Variants in PLAC1 observed in about 807,000 individuals in gnomAD.
PLAC1 encodes placenta-specific protein 1.
For synonymous variants in PLAC1, 68 were observed against 62.1 expected, an observed-to-expected ratio of 1.09 and a Z score of -0.44; for missense variants, 136 against 163.2, an observed-to-expected ratio of 0.83 and a Z score of 0.91.
At chrX:134,692,443 A>G (rs1395015806) in intron 2 of PLAC1, among the ~76,000 whole-genome samples, 1 of 111,889 alleles carries the variant, frequency 8.9e-6, no homozygotes, top group Admixed American at 9.5e-5. Flanking sequence ...TGGTAAGGAC[A>G]CTAGTTAGCC....
At chrX:134,703,495 A>T (rs756006777) in intron 2 of PLAC1, among the ~76,000 whole-genome samples, 13 of 111,549 alleles carry the variant, frequency 1.2e-4, no homozygotes, top group Non-Finnish European at 2.1e-4. Flanking sequence ...TTAAACAAAG[A>T]CTATGAGAGT....
At chrX:134,604,237 A>G (rs1345066049) in intron 1 of PLAC1, among the ~76,000 whole-genome samples, 1 of 112,907 alleles carries the variant, frequency 8.9e-6, no homozygotes, top group Non-Finnish European at 1.9e-5. Flanking sequence ...GGTCCCTGAC[A>G]TAAGCATGTA....
intron 1 of PLAC1, among the ~76,000 whole-genome samples, chrX:134,738,352 C>A (rs1038460742): frequency 5.4e-5 from 6 of 111,763 alleles, no homozygotes; most frequent in Admixed American, 9.5e-5. Flanking sequence ...GCAGTTCTCT[C>A]GAAAACAAGA....
intron 2 of PLAC1, among the ~76,000 whole-genome samples, chrX:134,590,073 T>A (rs1156391863): frequency 9.1e-6 from 1 of 109,840 alleles, no homozygotes; most frequent in Non-Finnish European, 1.9e-5. Context: ...TACGTGCCTG[T>A]AGTCCCAGCT....
At chrX:134,642,027 C>T in intron 1 of PLAC1, among the ~76,000 whole-genome samples, 1 of 111,899 alleles carries the variant, frequency 8.9e-6, no homozygotes, top group Non-Finnish European at 1.9e-5. Flanking sequence ...AAGGAAAAGG[C>T]TTTCATGCAG....
At chrX:134,601,060 TCACACACACACA>T (rs373837274) in intron 2 of PLAC1, 1 of 96,294 alleles carries the variant, frequency 1.0e-5, no homozygotes, top group Non-Finnish European at 2.1e-5. Context: ...TTTTTTTTCT[TCACACACACACA>T]CACACACACA....
chrX:134,716,205 G>T (rs2078642892), intron 2 of PLAC1, among the ~76,000 whole-genome samples: 1 of 112,556 alleles, frequency 8.9e-6, no homozygotes, highest in Admixed American at 9.4e-5. Context: ...TTTACAAGGG[G>T]GAAATGTATC....
At chrX:134,691,588 C>A (rs1031905527) in intron 2 of PLAC1, among the ~76,000 whole-genome samples, 1 of 112,119 alleles carries the variant, frequency 8.9e-6, no homozygotes, top group African/African-American at 3.2e-5. Context: ...TGTCTCATCA[C>A]ACAACATGCC....
At chrX:134,750,923 ATTTT>A (rs1174467435) in intron 1 of PLAC1, among the ~76,000 whole-genome samples, 4 of 20,233 alleles carry the variant, frequency 2.0e-4, no homozygotes, top group Non-Finnish European at 2.7e-4. Flanking sequence ...ATATATATAT[ATTTT>A]TATATATATA....
intron 2 of PLAC1, among the ~76,000 whole-genome samples, chrX:134,584,937 A>T (rs2077991719): frequency 9.0e-6 from 1 of 111,183 alleles, no homozygotes; most frequent in Non-Finnish European, 1.9e-5. Flanking sequence ...ACTGACACAT[A>T]AACACAGGCA....
chrX:134,704,796 G>T (rs377429808), intron 2 of PLAC1, among the ~76,000 whole-genome samples: 14 of 103,531 alleles, frequency 1.4e-4, no homozygotes, highest in African/African-American at 4.2e-4. Context: ...TTAGAGACCA[G>T]CCTGACCAAC....
At chrX:134,647,136 C>T (rs2078337397) in intron 1 of PLAC1, among the ~76,000 whole-genome samples, 2 of 111,658 alleles carry the variant, frequency 1.8e-5, no homozygotes, top group Admixed American at 1.9e-4. Flanking sequence ...CCGAAGGTAG[C>T]CGTGTAGGCA....
chrX:134,569,657 C>T (rs1324236708), intron 2 of PLAC1, among the ~76,000 whole-genome samples: 1 of 110,107 alleles, frequency 9.1e-6, no homozygotes, highest in Non-Finnish European at 1.9e-5. Context: ...TTGAGACTTA[C>T]TCCTTCTTGC....
chrX:134,659,101 C>T (rs1263464361), upstream of PLAC1, among the ~76,000 whole-genome samples: 2 of 110,116 alleles, frequency 1.8e-5, no homozygotes, highest in East Asian at 2.8e-4. Context: ...CTGATGCATG[C>T]TGGGCTTAAT....
rs2077872107 is a variant in PLAC1 at position 134,566,092 on chromosome X, A to G, written c.591T>C (p.Ile197=). 5 of 1,210,472 alleles carry G rather than the reference A, an allele frequency of 4.1e-6. No homozygotes were observed. Among genetic ancestry groups the G allele is most frequent in the Admixed American group, 4.3e-5 (2 of 46,039 alleles). ...CTGTGTGAAGAGACCAATCCTCAGA[A>G]ATATCAAGAAAGTGAGATGGCTGCA... ...QPLQPSHFLD[I]SEDWSLHTDD... is the part of the protein sequence containing the mutation. The change falls in exon 3 of 3, where the codon ATT becomes ATC. Residue 197 remains isoleucine (I), a synonymous_variant. Coordinates refer to ENST00000359237, the MANE Select transcript of PLAC1 (RefSeq NM_021796.4).
intron 2 of PLAC1, among the ~76,000 whole-genome samples, chrX:134,710,308 A>T (rs1023806663): frequency 8.9e-6 from 1 of 111,773 alleles, no homozygotes; most frequent in Non-Finnish European, 1.9e-5. Context: ...GACAGGCAAA[A>T]ATTAAAACTC....
chrX:134,587,947 T>G (rs1014530746), intron 2 of PLAC1, among the ~76,000 whole-genome samples: 1 of 111,980 alleles, frequency 8.9e-6, no homozygotes, highest in Non-Finnish European at 1.9e-5. Flanking sequence ...GCACGTTTCA[T>G]GCAGAATAAA....
intron 1 of PLAC1, among the ~76,000 whole-genome samples, chrX:134,740,761 A>C (rs2078715219): frequency 9.0e-6 from 1 of 111,635 alleles, no homozygotes; most frequent in Admixed American, 9.5e-5. Context: ...GAAGAGGGAG[A>C]AGCAGAAGGC....
intron 1 of PLAC1, among the ~76,000 whole-genome samples, chrX:134,755,514 A>G (rs749029651): frequency 1.2e-4 from 13 of 111,992 alleles, no homozygotes; most frequent in Admixed American, 9.5e-4. Flanking sequence ...AAGCCCAGGG[A>G]TATCAAGGAG....
Sources: allele counts gnomAD v4.1 joint callset (sites outside exome capture counted in the v4.1 genomes callset), GRCh38; gene constraint gnomAD v4.1.1; transcripts MANE v1.5; gene names NCBI Gene and HGNC (gene_info 2026-07-23, HGNC 2026-07-21).